Variants in PDS5B observed in about 807,000 individuals in gnomAD.
PDS5B encodes PDS5 cohesin associated factor B, also known as sister chromatid cohesion protein PDS5 homolog B.
In PDS5B, 51 loss-of-function variants were observed where a neutral mutation model predicts 184.1. The ratio of observed to expected loss-of-function variants is 0.28; its 90% CI spans 0.22 to 0.35. The LOEUF (loss-of-function observed/expected upper bound fraction) is 0.35. PDS5B is among the 10% of genes least tolerant of loss of function. The pLI is 1.00. For missense variants in PDS5B, 1,180 were observed against 1,723.3 expected (o/e 0.68, Z 5.58); for synonymous variants, 566 against 569.2 (o/e 0.99, Z 0.08).
Position 32,604,714 on chromosome 13 carries a change from TG to T in PDS5B, c.-20+18123del, listed in dbSNP as rs1412360683. On this transcript the variant is annotated intron_variant, in intron 1 of 34. Coordinates refer to ENST00000315596, the MANE Select transcript of PDS5B (RefSeq NM_015032.4). ...AATCCATCTGGTCCTGGACTTTTTT[TG>T]GTTGGTAGGCTATTAATTATTGCCT... Among the ~76,000 whole-genome samples the T allele has an allele frequency of 1.1e-4, 16 of 152,346 alleles. No individual in the cohort carries two copies. The East Asian group carries it at 3.1e-3, about 29-fold the overall frequency.
chr13:32,623,735 T>G (rs184714447), intron 1 of PDS5B, among the ~76,000 whole-genome samples: 54 of 152,260 alleles, frequency 3.5e-4, no homozygotes, highest in African/African-American at 1.1e-3. Flanking sequence ...AAAAAAAGTT[T>G]AGTTACTTTC....
At chr13:32,634,903 T>C (rs550579824) in intron 1 of PDS5B, among the ~76,000 whole-genome samples, 14 of 152,134 alleles carry the variant, frequency 9.2e-5, no homozygotes, top group African/African-American at 3.1e-4. Flanking sequence ...TTTAAGATAC[T>C]GTGAAACGTT....
chr13:32,639,644 A>G (rs1057077652), intron 1 of PDS5B, among the ~76,000 whole-genome samples: 2 of 152,238 alleles, frequency 1.3e-5, no homozygotes, highest in Non-Finnish European at 2.9e-5. Flanking sequence ...AACAAGAATA[A>G]GCTAAACTTC....
At chr13:32,765,466 A>G (rs1343606024) in intron 31 of PDS5B, among the ~76,000 whole-genome samples, 1 of 152,230 alleles carries the variant, frequency 6.6e-6, no homozygotes, top group African/African-American at 2.4e-5. Context: ...AATTACTTTT[A>G]CTTTCTCTAA....
intron 17 of PDS5B, among the ~76,000 whole-genome samples, chr13:32,705,343 T>C (rs1951979756): frequency 6.6e-6 from 1 of 152,170 alleles, no homozygotes; most frequent in Admixed American, 6.5e-5. Context: ...TGAAGATTTG[T>C]ATTTGGAATA....
rs934412182 is a variant in PDS5B, at chr13:32,777,006, C to G, written c.*1954C>G. ...TTCCTTAGCTCGGTTCTCCCAAACACATAATTTCTGTTTCAGCAGTACAAA... is the reference window on the plus strand; with the variant it reads ...TTCCTTAGCTCGGTTCTCCCAAACAGATAATTTCTGTTTCAGCAGTACAAA... On this transcript the variant is annotated 3_prime_UTR_variant, in exon 35 of 35. Coordinates refer to ENST00000315596, the MANE Select transcript of PDS5B (RefSeq NM_015032.4). 2.0e-5 allele frequency: 3 copies of G among 152,342 alleles called. No homozygotes were observed. Among genetic ancestry groups the G allele is most frequent in the Non-Finnish European group, 4.4e-5 (3 of 67,904 alleles). 9.4% of individuals were successfully genotyped at this position (152,342 alleles called of 1,614,324 possible).
chr13:32,696,547 C>T (rs1951709258), intron 14 of PDS5B, among the ~76,000 whole-genome samples: 1 of 149,716 alleles, frequency 6.7e-6, no homozygotes, highest in Non-Finnish European at 1.5e-5. Context: ...TCTTTCAGCT[C>T]TAAAAAAAAA....
chr13:32,738,667 G>T (rs1259278534), intron 21 of PDS5B, among the ~76,000 whole-genome samples: 1 of 151,916 alleles, frequency 6.6e-6, no homozygotes, highest in Admixed American at 6.6e-5. Flanking sequence ...TTGAACAAAA[G>T]TTATTCCTTT....
intron 19 of PDS5B, among the ~76,000 whole-genome samples, chr13:32,727,378 A>G (rs1952942332): frequency 6.6e-6 from 1 of 152,148 alleles, no homozygotes; most frequent in African/African-American, 2.4e-5. Context: ...TTTTACACAC[A>G]TAATAACCAT....
chr13:32,683,131 G>A lies in PDS5B; in HGVS notation c.1058-747G>A, dbSNP rs377190236. Among the ~76,000 whole-genome samples, 14 of 152,036 alleles carry A rather than the reference G, an allele frequency of 9.2e-5. No individual in the cohort carries two copies. The East Asian group carries it at 2.1e-3, about 23-fold the overall frequency. On this transcript the variant is annotated intron_variant, in intron 10 of 34. Transcript: ENST00000315596. ...GGGTTCAAGCGATTCTCCTGCCTCAGCCTCGCGAGTAGCTGGGACTACAGC... is the reference window on the plus strand; with the variant it reads ...GGGTTCAAGCGATTCTCCTGCCTCAACCTCGCGAGTAGCTGGGACTACAGC...
chr13:32,613,833 A>G (rs1566248130), intron 1 of PDS5B, among the ~76,000 whole-genome samples: 1 of 152,142 alleles, frequency 6.6e-6, no homozygotes, highest in Non-Finnish European at 1.5e-5. Context: ...AAGGATTTAA[A>G]TCTCTGTTTT....
intron 1 of PDS5B, among the ~76,000 whole-genome samples, chr13:32,609,702 C>T (rs1359396381): frequency 1.3e-5 from 2 of 152,086 alleles, no homozygotes; most frequent in Non-Finnish European, 2.9e-5. Flanking sequence ...CCCAGTTTCC[C>T]CTTGATAGTG....
intron 3 of PDS5B, among the ~76,000 whole-genome samples, chr13:32,652,930 A>G (rs1950408599): frequency 6.6e-6 from 1 of 152,210 alleles, no homozygotes; most frequent in South Asian, 2.1e-4. Context: ...GAAAGCATGA[A>G]GTAATTAGAG....
chr13:32,616,366 T>C (rs537488737), intron 1 of PDS5B, among the ~76,000 whole-genome samples: 1 of 152,086 alleles, frequency 6.6e-6, no homozygotes, highest in African/African-American at 2.4e-5. Flanking sequence ...CTCCCGTCTC[T>C]TTAAAATTTT....
At chr13:32,613,288 A>T (rs2058169669) in intron 1 of PDS5B, among the ~76,000 whole-genome samples, 1 of 152,204 alleles carries the variant, frequency 6.6e-6, no homozygotes, top group Admixed American at 6.5e-5. Context: ...TGGTAGTTCC[A>T]TGTTTATCCA....
rs757799135 is a variant in PDS5B at position 32,770,150 on chromosome 13, A to G, written c.3654A>G (p.Lys1218=). The change falls in exon 32 of 35, where the codon AAA becomes AAG. Residue 1218 remains lysine (K), a synonymous_variant. Transcript: ENST00000315596. ...RSELEKPRGR[K]KTPVTEQEEK... The stretch of plus-strand genomic sequence containing the variant: ...AATTGGAGAAGCCTAGAGGCAGGAA[A>G]AAAACGCCCGTCACAGAACAGGAGG... 4.3e-6 allele frequency: 7 copies of G among 1,613,298 alleles called. No individual in the cohort carries two copies. The highest frequency in any genetic ancestry group is 5.9e-6 in the Non-Finnish European group (7 of 1,179,788).
intron 1 of PDS5B, among the ~76,000 whole-genome samples, chr13:32,636,963 C>G (rs1416637939): frequency 1.3e-5 from 2 of 152,086 alleles, no homozygotes; most frequent in African/African-American, 4.8e-5. Flanking sequence ...TTTATTGAAG[C>G]AGAAGGAATA....
chr13:32,622,589 T>A (rs2058317312), intron 1 of PDS5B, among the ~76,000 whole-genome samples: 1 of 152,226 alleles, frequency 6.6e-6, no homozygotes, highest in African/African-American at 2.4e-5. Context: ...TTTACTAGTT[T>A]TTCTAGTATA....
intron 1 of PDS5B, among the ~76,000 whole-genome samples, chr13:32,590,137 A>G (rs183539729): frequency 5.9e-4 from 90 of 152,382 alleles, no homozygotes; most frequent in Non-Finnish European, 8.8e-5. Context: ...AATAATAAGT[A>G]GTAATTAAAA....
Sources: gnomAD v4.1 joint callset for allele counts (sites outside exome capture counted in the v4.1 genomes callset) on GRCh38, gnomAD v4.1.1 for gene constraint, MANE v1.5 for transcripts, NCBI Gene and HGNC (gene_info 2026-07-23, HGNC 2026-07-21) for gene names.